The following DPP6 variants were observed in gnomAD, a reference collection of about 807,000 sequenced individuals.
DPP6 encodes dipeptidyl peptidase like 6.
Under a neutral mutation model 122.6 loss-of-function variants are expected in DPP6, and 69 were observed. That is an observed-to-expected ratio of 0.56 (90% CI 0.46 to 0.69). The LOEUF is 0.69. Ranked by LOEUF, DPP6 falls within the 30% of genes least tolerant of loss-of-function variation. DPP6 has a pLI of 0.00. For missense variants in DPP6, 928 were observed against 1,116.9 expected, an observed-to-expected ratio of 0.83 and a Z score of 2.41; for synonymous variants, 418 against 433.1, an observed-to-expected ratio of 0.97 and a Z score of 0.43.
At chr7:154,121,749 T>A (rs1206918446) in intron 1 of DPP6, among the ~76,000 whole-genome samples, 1 of 152,238 alleles carries the variant, frequency 6.6e-6, no homozygotes, top group Admixed American at 6.5e-5. Context: ...ACATGTGTAT[T>A]CTGCTGGGCT....
intron 5 of DPP6, among the ~76,000 whole-genome samples, chr7:154,572,554 T>G (rs1831191913): frequency 7.0e-6 from 1 of 142,104 alleles, no homozygotes; most frequent in Non-Finnish European, 1.5e-5. Context: ...TCTCACTCTG[T>G]TGCCCAGGCT....
At chr7:154,458,607 T>C (rs1470960848) in intron 2 of DPP6, among the ~76,000 whole-genome samples, 5 of 152,194 alleles carry the variant, frequency 3.3e-5, no homozygotes, top group African/African-American at 1.2e-4. Flanking sequence ...TTCTGTTGTT[T>C]GAAGCCATCA....
At chr7:154,376,951 T>TG (rs1813180798) in intron 1 of DPP6, among the ~76,000 whole-genome samples, 1 of 152,190 alleles carries the variant, frequency 6.6e-6, no homozygotes, top group African/African-American at 2.4e-5. Context: ...ATCCTGTTCC[T>TG]TACCTCTGGA....
chr7:154,020,231 A>G (rs1222949893), intron 1 of DPP6, among the ~76,000 whole-genome samples: 2 of 151,886 alleles, frequency 1.3e-5, no homozygotes, highest in Non-Finnish European at 2.9e-5. Flanking sequence ...TTTCCTCTAG[A>G]TAAAAGCGTG....
chr7:154,177,283 G>A (rs187940575), intron 1 of DPP6, among the ~76,000 whole-genome samples: 30 of 152,254 alleles, frequency 2.0e-4, no homozygotes, highest in Admixed American at 7.2e-4. Flanking sequence ...CAATATTACC[G>A]CATAGATAAA....
chr7:154,211,623 T>G (rs1799746243), intron 1 of DPP6, among the ~76,000 whole-genome samples: 1 of 152,138 alleles, frequency 6.6e-6, no homozygotes, highest in Non-Finnish European at 1.5e-5. Flanking sequence ...CTTTTTGGCT[T>G]TAGAACAGAT....
intron 6 of DPP6, among the ~76,000 whole-genome samples, chr7:154,645,105 C>A (rs1836370626): frequency 6.7e-6 from 1 of 148,852 alleles, no homozygotes; most frequent in African/African-American, 2.5e-5. Context: ...CTCTGTCGCC[C>A]AGGCTGGAGT....
chr7:154,103,136 C>T (rs1388063777), intron 1 of DPP6, among the ~76,000 whole-genome samples: 2 of 152,074 alleles, frequency 1.3e-5, no homozygotes, highest in Non-Finnish European at 2.9e-5. Context: ...GTGGGGATTG[C>T]AAAGGGGAAG....
At chr7:154,645,321 T>C (rs2130960256) in intron 6 of DPP6, among the ~76,000 whole-genome samples, 1 of 152,194 alleles carries the variant, frequency 6.6e-6, no homozygotes, top group Non-Finnish European at 1.5e-5. Context: ...CGCCTCGGCC[T>C]CCCAAAGTGC....
intron 1 of DPP6, among the ~76,000 whole-genome samples, chr7:153,981,324 T>C (rs1376828175): frequency 2.6e-5 from 4 of 152,186 alleles, no homozygotes; most frequent in African/African-American, 9.6e-5. Context: ...CTTTTTTGAC[T>C]TTTATTGGTT....
chr7:153,753,936 T>C, the DPP6 span, among the ~76,000 whole-genome samples: 13 of 152,328 alleles, frequency 8.5e-5, no homozygotes, highest in South Asian at 2.7e-3. Flanking sequence ...ATTACTAAAA[T>C]GTTGGTGTTT....
intron 1 of DPP6, among the ~76,000 whole-genome samples, chr7:154,019,789 A>G (rs1223535829): frequency 1.3e-5 from 2 of 152,366 alleles, no homozygotes; most frequent in Non-Finnish European, 1.5e-5. Flanking sequence ...TTCTGCACTT[A>G]TGCCCCAACC....
Position 154,040,929 on chromosome 7 carries a change from A to G in DPP6, c.51+153195A>G, listed in dbSNP as rs192447840. Among the ~76,000 whole-genome samples, 981 of 151,498 alleles carry G rather than the reference A, an allele frequency of 6.5e-3. 3 individuals are homozygous for G. Among genetic ancestry groups the G allele is most frequent in the Non-Finnish European group, 0.01 (696 of 67,898 alleles). On this transcript the variant is annotated intron_variant, in intron 1 of 25. Coordinates refer to the DPP6 transcript ENST00000404039. ...TGGAGTGGGTTCCAAACTGGCTCTT[A>G]TGATGCCAGCTCAAAGTCAGCCTCT... is the stretch of plus-strand genomic sequence containing the variant.
intron 1 of DPP6, among the ~76,000 whole-genome samples, chr7:154,060,328 G>C (rs954289792): frequency 8.5e-6 from 1 of 117,100 alleles, no homozygotes; most frequent in Non-Finnish European, 1.8e-5. Flanking sequence ...CCCATCGCAG[G>C]AGGGGGAGGC....
chr7:154,310,894 T>C (rs2150997386), intron 1 of DPP6, among the ~76,000 whole-genome samples: 1 of 152,320 alleles, frequency 6.6e-6, no homozygotes, highest in African/African-American at 2.4e-5. Context: ...GTGCCTGTGT[T>C]TGGCACTCAC....
rs192810012 is a variant in DPP6 at position 154,791,543 on chromosome 7, C to T, written c.1137-2536C>T. On this transcript the variant is annotated intron_variant, in intron 10 of 25. Coordinates refer to ENST00000377770, the MANE Select transcript of DPP6 (RefSeq NM_130797.4). Reference sequence around the variant, plus strand: ...TGATTCAATTGTCTACACCTGGCCCCGCCCTTGACATGTGGGGATTATTAC... The same window carrying T: ...TGATTCAATTGTCTACACCTGGCCCTGCCCTTGACATGTGGGGATTATTAC... Among the ~76,000 whole-genome samples the T allele has an allele frequency of 1.0e-3, 153 of 152,282 alleles. 1 individual carries two copies. In the East Asian group the frequency reaches 0.015, roughly 15 times the overall value.
At chr7:153,883,758 C>G (rs575155525), upstream of DPP6, among the ~76,000 whole-genome samples, 1 of 152,176 alleles carries the variant, frequency 6.6e-6, no homozygotes. Context: ...AAGGTAGACA[C>G]GTTGCAAAGA....
intron 8 of DPP6, among the ~76,000 whole-genome samples, chr7:154,768,409 G>C (rs976627978): frequency 1.3e-5 from 2 of 152,200 alleles, no homozygotes; most frequent in Non-Finnish European, 2.9e-5. Flanking sequence ...CAGGTACATA[G>C]AGCAGATTTA....
At chr7:154,856,514 A>G (rs1472268038) in intron 17 of DPP6, among the ~76,000 whole-genome samples, 1 of 152,234 alleles carries the variant, frequency 6.6e-6, no homozygotes, top group East Asian at 1.9e-4. Context: ...CTGAGGTGCA[A>G]TTCTTCGGAA....
Sources: gnomAD v4.1 joint callset for allele counts (sites outside exome capture counted in the v4.1 genomes callset) on GRCh38, gnomAD v4.1.1 for gene constraint, MANE v1.5 for transcripts, NCBI Gene and HGNC (gene_info 2026-07-23, HGNC 2026-07-21) for gene names.